The following ASTN1 variants were observed in gnomAD, a reference collection of about 807,000 sequenced individuals.
ASTN1 encodes astrotactin 1, also known as astrotactin-1.
In ASTN1, 41 loss-of-function variants were observed where a neutral mutation model predicts 140.7. The observed-to-expected ratio is 0.29, with a 90% CI of 0.23 to 0.38. ASTN1 has a LOEUF of 0.38. Ranked by LOEUF, ASTN1 falls within the 10% of genes least tolerant of loss-of-function variation. The pLI is 1.00. For synonymous variants in ASTN1, 640 were observed against 652.2 expected, an observed-to-expected ratio of 0.98 and a Z score of 0.29; for missense variants, 1,479 against 1,678.8, an observed-to-expected ratio of 0.88 and a Z score of 2.08.
At chr1:176,947,949 G>A (rs1009177873) in intron 12 of ASTN1, among the ~76,000 whole-genome samples, 1 of 152,096 alleles carries the variant, frequency 6.6e-6, no homozygotes, top group Non-Finnish European at 1.5e-5. Flanking sequence ...ATTGAAATGG[G>A]TCAACCCTAA....
chr1:176,910,108 A>G (rs1209270867), intron 16 of ASTN1, among the ~76,000 whole-genome samples: 1 of 152,024 alleles, frequency 6.6e-6, no homozygotes, highest in Non-Finnish European at 1.5e-5. Context: ...AGAGAACAAA[A>G]CCCTTCTAAA....
intron 3 of ASTN1, 106 bp downstream of exon 3, chr1:177,032,350 C>G: frequency 8.3e-6 from 12 of 1,442,358 alleles, no homozygotes; most frequent in South Asian, 6.5e-5. Context: ...ACTGCCACAT[C>G]ACACTATGTA....
chr1:176,955,954 A>G (rs1672382149), intron 11 of ASTN1, among the ~76,000 whole-genome samples: 1 of 152,258 alleles, frequency 6.6e-6, no homozygotes, highest in African/African-American at 2.4e-5. Flanking sequence ...TCAAATCTGG[A>G]TGAAGAAATA....
intron 1 of ASTN1, among the ~76,000 whole-genome samples, chr1:177,135,105 A>G (rs888174693): frequency 6.6e-6 from 1 of 152,096 alleles, no homozygotes; most frequent in Admixed American, 6.6e-5. Flanking sequence ...GGATGTGCTT[A>G]CTGCCATGGG....
At chr1:177,016,680 G>A (rs958376084) in intron 7 of ASTN1, among the ~76,000 whole-genome samples, 2 of 152,064 alleles carry the variant, frequency 1.3e-5, no homozygotes, top group African/African-American at 4.8e-5. Context: ...AGATACATAG[G>A]GCAGAAACAA....
intron 1 of ASTN1, among the ~76,000 whole-genome samples, chr1:177,075,068 C>A (rs1440962485): frequency 1.1e-4 from 16 of 151,924 alleles, no homozygotes; most frequent in Admixed American, 1.0e-3. Flanking sequence ...TAAATTCTTC[C>A]AATTTCTTGC....
At chr1:176,922,653 G>T (rs114188868) in intron 16 of ASTN1, among the ~76,000 whole-genome samples, 1,778 of 151,208 alleles carry the variant, frequency 0.012, 37 homozygotes, top group African/African-American at 0.039. Flanking sequence ...GACAAGGTCT[G>T]AACATGGTTG....
intron 7 of ASTN1, among the ~76,000 whole-genome samples, chr1:177,017,197 G>T (rs148212731): frequency 4.7e-4 from 72 of 152,226 alleles, no homozygotes; most frequent in African/African-American, 1.5e-3. Flanking sequence ...TGAGGCTTCC[G>T]TCACTCATTA....
At chr1:176,949,496 C>G in intron 11 of ASTN1, 145 bp from the exon 12 acceptor site, 3 of 935,226 alleles carry the variant, frequency 3.2e-6, no homozygotes, top group Non-Finnish European at 4.7e-6. Context: ...TTTCCTACCA[C>G]AGCAGACTTC....
At chr1:177,011,631 T>G (rs1052878066) in intron 8 of ASTN1, among the ~76,000 whole-genome samples, 1 of 149,758 alleles carries the variant, frequency 6.7e-6, no homozygotes, top group Non-Finnish European at 1.5e-5. Flanking sequence ...GCACACATAA[T>G]GCACAGGCAC....
chr1:177,027,499 G>A (rs1676177008), intron 5 of ASTN1, among the ~76,000 whole-genome samples: 1 of 150,906 alleles, frequency 6.6e-6, no homozygotes, highest in Non-Finnish European at 1.5e-5. Context: ...CACATGGCAT[G>A]TGCATGGTCC....
At chr1:176,882,643 C>A (rs1364072362) in intron 20 of ASTN1, among the ~76,000 whole-genome samples, 2 of 152,076 alleles carry the variant, frequency 1.3e-5, no homozygotes, top group African/African-American at 4.8e-5. Context: ...ATGTTGCAAA[C>A]TCCTCAAGGG....
downstream of ASTN1, among the ~76,000 whole-genome samples, chr1:176,859,506 C>T (rs191190200): frequency 7.9e-5 from 12 of 152,258 alleles, no homozygotes; most frequent in South Asian, 2.1e-4. Flanking sequence ...GACCCCTGGC[C>T]GGGCACAGTG....
chr1:177,036,011 C>T (rs1571688027), intron 2 of ASTN1, among the ~76,000 whole-genome samples: 1 of 148,138 alleles, frequency 6.8e-6, no homozygotes, highest in African/African-American at 2.5e-5. Context: ...GAGTCAGTGA[C>T]TCTGGATGGG....
chr1:177,026,679 C>A (rs1424312149), intron 5 of ASTN1, among the ~76,000 whole-genome samples: 1 of 152,218 alleles, frequency 6.6e-6, no homozygotes, highest in Non-Finnish European at 1.5e-5. Flanking sequence ...TTGTGATTGC[C>A]TGTCTTTGGA....
At chr1:176,953,901 T>C (rs186557900) in intron 11 of ASTN1, among the ~76,000 whole-genome samples, 19 of 152,322 alleles carry the variant, frequency 1.2e-4, no homozygotes, top group African/African-American at 4.6e-4. Flanking sequence ...ACTTTCAGAA[T>C]GAGTGTGAAG....
chr1:177,067,377 C>T (rs563261703), intron 1 of ASTN1, among the ~76,000 whole-genome samples: 26 of 152,280 alleles, frequency 1.7e-4, no homozygotes, highest in Admixed American at 1.6e-3. Context: ...TAGTGATAAA[C>T]CTACTGTCAA....
intron 8 of ASTN1, among the ~76,000 whole-genome samples, chr1:177,004,791 G>A (rs976120257): frequency 1.3e-5 from 2 of 152,056 alleles, no homozygotes; most frequent in African/African-American, 4.8e-5. Flanking sequence ...GGAATTAAAC[G>A]GGATCCCTAT....
intron 16 of ASTN1, among the ~76,000 whole-genome samples, chr1:176,912,526 A>G (rs964215345): frequency 1.3e-5 from 2 of 152,172 alleles, no homozygotes; most frequent in Non-Finnish European, 2.9e-5. Context: ...CTGACCCCTG[A>G]CTGTTCATTA....
Sources: gnomAD v4.1 joint callset for allele counts (sites outside exome capture counted in the v4.1 genomes callset) on GRCh38, gnomAD v4.1.1 for gene constraint, MANE v1.5 for transcripts, NCBI Gene and HGNC (gene_info 2026-07-23, HGNC 2026-07-21) for gene names.